Variants in ZNF708 observed in about 807,000 individuals in gnomAD.
ZNF708 encodes the protein ZNF15, ZNF15L1.
Under a neutral mutation model 47.0 loss-of-function variants are expected in ZNF708, and 44 were observed. That is an observed-to-expected ratio of 0.94 (90% CI 0.74 to 1.20). The LOEUF (loss-of-function observed/expected upper bound fraction) is 1.20. ZNF708 is among the 50% of genes most tolerant of loss of function. The pLI, the probability that ZNF708 is intolerant of heterozygous loss-of-function variation, is 0.00. For missense variants in ZNF708, 557 were observed against 656.0 expected (o/e 0.85, Z 1.65); for synonymous variants, 184 against 218.5 (o/e 0.84, Z 1.39).
chr19:21,309,631 C>A lies in ZNF708; in HGVS notation c.131-290G>T, dbSNP rs1972856387. 4.6e-5 allele frequency among the ~76,000 whole-genome samples: 7 copies of A among 151,992 alleles called. No individual in the cohort carries two copies. The South Asian group carries it at 1.5e-3, about 32-fold the overall frequency. ...GCTGAGGCAGGAGAATCACTAGAAC[C>A]CAGGAGGCAAAGGTTGCAGTGAGCT... On this transcript the variant is annotated intron_variant, in intron 2 of 3. Transcript: ENST00000356929.
intron 3 of ZNF708, among the ~76,000 whole-genome samples, chr19:21,307,837 G>A (rs1335823863): frequency 2.6e-5 from 4 of 152,060 alleles, no homozygotes; most frequent in African/African-American, 9.7e-5. Flanking sequence ...TAAAATGTTT[G>A]TTTGTAGATC....
At chr19:21,297,047 C>A (rs929235391) in intron 3 of ZNF708, among the ~76,000 whole-genome samples, 9 of 151,146 alleles carry the variant, frequency 6.0e-5, no homozygotes, top group African/African-American at 1.9e-4. Context: ...GCAGGAGAAT[C>A]GCTTTAACCT....
At chr19:21,308,280 CTTT>C (rs781493370) in intron 3 of ZNF708, among the ~76,000 whole-genome samples, 2 of 137,650 alleles carry the variant, frequency 1.5e-5, no homozygotes, top group Non-Finnish European at 1.6e-5. Context: ...TATAATAAAT[CTTT>C]TTTTTTTTTT....
intron 2 of ZNF708, 42 bp downstream of exon 2, chr19:21,310,457 AAT>A (rs750014214): frequency 2.1e-5 from 21 of 983,552 alleles, no homozygotes; most frequent in South Asian, 5.9e-5. Flanking sequence ...AAAAAAAAAT[AAT>A]AATAAATAAT....
chr19:21,310,444 C>CAA (rs368336971), intron 2 of ZNF708, 57 bp downstream of exon 2: 416 of 645,720 alleles, frequency 6.4e-4, no homozygotes, highest in Admixed American at 1.3e-3. Flanking sequence ...AACTCTGTCT[C>CAA]AAAAAAAAAA....
chr19:21,322,195 C>T (rs781182550), intron 1 of ZNF708, among the ~76,000 whole-genome samples: 1 of 151,992 alleles, frequency 6.6e-6, no homozygotes, highest in Non-Finnish European at 1.5e-5. Context: ...AGTGTGGACA[C>T]GTCAATGTCT....
intron 1 of ZNF708, among the ~76,000 whole-genome samples, chr19:21,319,997 G>A (rs571386512): frequency 2.0e-5 from 3 of 152,144 alleles, no homozygotes; most frequent in East Asian, 1.9e-4. Flanking sequence ...CCAACATGGT[G>A]AAACCCCATC....
chr19:21,305,120 C>T (rs1972733738), intron 3 of ZNF708, among the ~76,000 whole-genome samples: 1 of 151,590 alleles, frequency 6.6e-6, no homozygotes, highest in Non-Finnish European at 1.5e-5. Context: ...AAGCAATTCT[C>T]CTGTCTCAGC....
chr19:21,307,262 C>T (rs980696166), intron 3 of ZNF708, among the ~76,000 whole-genome samples: 1 of 152,030 alleles, frequency 6.6e-6, no homozygotes, highest in Admixed American at 6.6e-5. Context: ...ACAGAAACTG[C>T]AGGCTTGAGA....
chr19:21,321,515 G>C (rs775166957), intron 1 of ZNF708, among the ~76,000 whole-genome samples: 3 of 151,546 alleles, frequency 2.0e-5, no homozygotes, highest in African/African-American at 4.9e-5. Context: ...CTGGGAGGCG[G>C]AAGTTGCAGT....
Position 21,293,913 on chromosome 19 carries a change from A to G in ZNF708, c.1053T>C (p.Leu351=). ...CGKAFSVFST[L]TKHKIIHTEE... is the part of the protein sequence containing the mutation. The stretch of plus-strand genomic sequence containing the variant: ...CAGTATGAATTATCTTATGTTTAGT[A>G]AGGGTTGAAAATACACTAAAAGCTT... Residue 351 remains leucine (L), a synonymous_variant, in exon 4 of 4, where the codon CTT becomes CTC. Transcript: ENST00000356929. The G allele has an allele frequency of 6.2e-7, 1 of 1,613,322 alleles. No individual in the cohort carries two copies. The highest frequency in any genetic ancestry group is 1.3e-5 in the African/African-American group (1 of 74,944).
In ZNF708 at chr19:21,292,441, C is replaced by T. The variant is rs1269120980; in HGVS notation, c.*833G>A. ...AAAAATATATCTCAGTATGAACCCTCTGGTGTTGTCTAAGTTGTAGTTTTG... is the reference window on the plus strand; with the variant it reads ...AAAAATATATCTCAGTATGAACCCTTTGGTGTTGTCTAAGTTGTAGTTTTG... On this transcript the variant is annotated 3_prime_UTR_variant, in exon 4 of 4. Transcript: ENST00000356929. 2.0e-5 allele frequency: 3 copies of T among 152,174 alleles called. No homozygotes were observed. The highest frequency in any genetic ancestry group is 6.5e-5 in the Admixed American group (1 of 15,274). 9.4% of individuals were successfully genotyped at this position (152,174 alleles called of 1,614,324 possible).
intron 1 of ZNF708, among the ~76,000 whole-genome samples, chr19:21,322,498 T>G (rs1973172261): frequency 6.6e-6 from 1 of 152,108 alleles, no homozygotes. Context: ...GGACGGGGTT[T>G]TGCCACGTTG....
intron 1 of ZNF708, among the ~76,000 whole-genome samples, chr19:21,322,291 T>A (rs867808415): frequency 3.7e-4 from 56 of 150,922 alleles, no homozygotes; most frequent in Admixed American, 8.6e-4. Flanking sequence ...TATTCTTTTT[T>A]TTTCTTTCTT....
At chr19:21,313,315 A>T (rs1443736118) in intron 1 of ZNF708, among the ~76,000 whole-genome samples, 1 of 151,676 alleles carries the variant, frequency 6.6e-6, no homozygotes, top group East Asian at 1.9e-4. Flanking sequence ...AGTATGTTAC[A>T]GAGCACTGTG....
chr19:21,293,051 T>G lies in ZNF708; in HGVS notation c.*223A>C, dbSNP rs184160345. ...TCCAGCTTTGTAGTTTCTCTCCAGT[T>G]TAAGTTTTTTTATGTTTAGTAAGAT... On this transcript the variant is annotated 3_prime_UTR_variant, in exon 4 of 4. Coordinates refer to ENST00000356929, the MANE Select transcript of ZNF708 (RefSeq NM_021269.3). 2.2e-5 allele frequency: 12 copies of G among 543,910 alleles called. No homozygotes were observed. In the East Asian group the frequency reaches 3.8e-4, roughly 17 times the overall value. 33.7% of individuals were successfully genotyped at this position (543,910 alleles called of 1,614,324 possible).
At chr19:21,308,440 T>TG (rs1280379490) in intron 3 of ZNF708, among the ~76,000 whole-genome samples, 6 of 152,066 alleles carry the variant, frequency 3.9e-5, no homozygotes, top group African/African-American at 1.4e-4. Flanking sequence ...CCACCACACC[T>TG]GGCTAATTTT....
chr19:21,307,969 TAATAA>T (rs923575245), intron 3 of ZNF708, among the ~76,000 whole-genome samples: 2 of 151,872 alleles, frequency 1.3e-5, no homozygotes, highest in African/African-American at 2.4e-5. Flanking sequence ...CTAAATTGTC[TAATAA>T]AATAAAGGAA....
chr19:21,320,153 G>A (rs1973098318), intron 1 of ZNF708, among the ~76,000 whole-genome samples: 2 of 151,410 alleles, frequency 1.3e-5, no homozygotes, highest in African/African-American at 2.4e-5. Flanking sequence ...TCCAGCCTGG[G>A]TGACAGAGCA....
Sources: allele counts gnomAD v4.1 joint callset (sites outside exome capture counted in the v4.1 genomes callset), GRCh38; gene constraint gnomAD v4.1.1; transcripts MANE v1.5; gene names NCBI Gene and HGNC (gene_info 2026-07-23, HGNC 2026-07-21).